ABCC5: variants seen among roughly 807,000 people sequenced by gnomAD.
ABCC5 encodes ATP binding cassette subfamily C member 5.
A neutral mutation model predicts 160.9 loss-of-function variants in ABCC5; 61 were observed. That is an observed-to-expected ratio of 0.38 (90% CI 0.31 to 0.47). The LOEUF is 0.47. Among genes scored for constraint, ABCC5 ranks in the 20% least tolerant of loss-of-function variants. ABCC5 has a pLI of 0.99. For synonymous variants in ABCC5, 666 were observed against 700.6 expected, an observed-to-expected ratio of 0.95 and a Z score of 0.78; for missense variants, 1,308 against 1,813.3, an observed-to-expected ratio of 0.72 and a Z score of 5.06.
intron 25 of ABCC5, among the ~76,000 whole-genome samples, chr3:183,939,315 C>T (rs1012364576): frequency 6.6e-6 from 1 of 152,164 alleles, no homozygotes; most frequent in African/African-American, 2.4e-5. Flanking sequence ...TGCCTGTAAT[C>T]CCAGGTACTT....
In ABCC5 at chr3:183,988,618, C is replaced by T. The variant is rs747664529; in HGVS notation, c.397G>A (p.Val133Met). Reference sequence around the variant, plus strand: ...GACTCGTGCTTGGACAGAGACCACACGTCTTCCATTGAGAGCTCCCCCTTC... The same window carrying T: ...GACTCGTGCTTGGACAGAGACCACATGTCTTCCATTGAGAGCTCCCCCTTC... ...HKKGELSMED[V>M]WSLSKHESSD... Residue 133 changes from valine to methionine, a missense_variant, in exon 4 of 30, where the codon GTG (valine) becomes ATG (methionine). By Grantham distance (21) the Val-to-Met change is conservative (BLOSUM62 1). Transcript: ENST00000334444. This position sits in a 1 kb window ranked among gnomAD's most constrained non-coding sequence, Gnocchi z 4.4. 4.3e-6 allele frequency: 7 copies of T among 1,614,126 alleles called. No homozygotes were observed. Among genetic ancestry groups the T allele is most frequent in the South Asian group, 3.3e-5 (3 of 91,094 alleles).
At chr3:183,965,995 G>A (rs1717187096) in intron 12 of ABCC5, among the ~76,000 whole-genome samples, 2 of 152,138 alleles carry the variant, frequency 1.3e-5, no homozygotes, top group African/African-American at 4.8e-5. Context: ...TATACACAGT[G>A]TCCATTTACC....
intron 26 of ABCC5, among the ~76,000 whole-genome samples, chr3:183,936,041 C>T (rs1713679902): frequency 6.6e-6 from 1 of 152,114 alleles, no homozygotes; most frequent in African/African-American, 2.4e-5. Flanking sequence ...GAAACACTGA[C>T]CCCAATGTGA....
Position 183,987,672 on chromosome 3 carries a change from G to A in ABCC5, c.591+98C>T, listed in dbSNP as rs767073151. On this transcript the variant is annotated intron_variant, in intron 5 of 29. Transcript: ENST00000334444. The surrounding 1 kb of genome is among the most constrained non-coding windows in gnomAD (Gnocchi z 4.2). The stretch of plus-strand genomic sequence containing the variant: ...AAGGCATCTCTAAGACTGCTACCTA[G>A]CCCAAAGCTGAGCACAACCTCTGCA... The A allele has an allele frequency of 6.5e-7, 1 of 1,548,474 alleles. No individual in the cohort carries two copies. The highest frequency in any genetic ancestry group is 2.4e-5 in the East Asian group (1 of 42,546).
At chr3:183,993,488 A>C (rs34465853) in intron 2 of ABCC5, among the ~76,000 whole-genome samples, 3 of 112,988 alleles carry the variant, frequency 2.7e-5, no homozygotes, top group Admixed American at 1.0e-4. Context: ...TGTCTCAAAA[A>C]AAAAAAAAAA....
chr3:183,947,179 C>G, intron 23 of ABCC5, 145 bp downstream of exon 23: 1 of 842,284 alleles, frequency 1.2e-6, no homozygotes, highest in Non-Finnish European at 1.7e-6. Flanking sequence ...CAGATTGTTA[C>G]GGTCAAATCA....
At position 183,963,314 on chromosome 3, in the gene ABCC5, G is replaced by A. The variant is rs1716939815; in HGVS notation, c.2235+71C>T. 2.0e-6 allele frequency: 3 copies of A among 1,520,536 alleles called. No homozygotes were observed. Among genetic ancestry groups the A allele is most frequent in the Non-Finnish European group, 2.7e-6 (3 of 1,096,064 alleles). The allele number at this position is 1,520,536 out of a possible 1,614,324, so 94.2% of individuals were successfully genotyped here. ...TTCTAGTTATAACACAAGGATACCTGGAGCAAACCTACCTCCCTGTTTCTG... is the reference window on the plus strand; with the variant it reads ...TTCTAGTTATAACACAAGGATACCTAGAGCAAACCTACCTCCCTGTTTCTG... On this transcript the variant is annotated intron_variant, in intron 15 of 29. Coordinates refer to ENST00000334444, the MANE Select transcript of ABCC5 (RefSeq NM_005688.4). This position sits in a 1 kb window ranked among gnomAD's most constrained non-coding sequence, Gnocchi z 4.6.
chr3:183,927,927 G>A (rs969359343), intron 27 of ABCC5: 11 of 627,936 alleles, frequency 1.8e-5, no homozygotes, highest in Admixed American at 6.3e-5. Flanking sequence ...AATTAGGGCA[G>A]GGGATCCTGG....
At position 183,971,933 on chromosome 3, in the gene ABCC5, T is replaced by G; in HGVS notation, c.1405-14A>C. Reference sequence around the variant, plus strand: ...TAGAAACAAACTCTGATAGGAGTTGTGAGAGAGGTGCAAAGATGAGACACT... The same window carrying G: ...TAGAAACAAACTCTGATAGGAGTTGGGAGAGAGGTGCAAAGATGAGACACT... On this transcript the variant is annotated splice_polypyrimidine_tract_variant and intron_variant, in intron 10 of 29. Coordinates refer to ENST00000334444, the MANE Select transcript of ABCC5 (RefSeq NM_005688.4). The G allele has an allele frequency of 1.9e-6, 3 of 1,613,286 alleles. No individual in the cohort carries two copies. The highest frequency in any genetic ancestry group is 2.5e-6 in the Non-Finnish European group (3 of 1,180,000).
In ABCC5 at chr3:184,014,260, T is replaced by C. The variant is rs912589009; in HGVS notation, c.129+4A>G. 12 of 1,612,210 alleles carry C rather than the reference T, an allele frequency of 7.4e-6. No homozygotes were observed. The highest frequency in any genetic ancestry group is 1.0e-5 in the Non-Finnish European group (12 of 1,179,266). On this transcript the variant is annotated splice_donor_region_variant and intron_variant, in intron 2 of 29. Coordinates refer to ENST00000334444, the MANE Select transcript of ABCC5 (RefSeq NM_005688.4). ...GTAAGAGACTCTTAGGAAAGGAAAC[T>C]GACCGGTCGAGTTCTCCTGAACTTG... is the stretch of plus-strand genomic sequence containing the variant.
At chr3:183,945,824 C>A in intron 24 of ABCC5, 26 bp downstream of exon 24, 1 of 1,599,686 alleles carries the variant, frequency 6.3e-7, no homozygotes, top group Non-Finnish European at 8.6e-7. Flanking sequence ...AGTCAGATCA[C>A]GGTAAAAGGC....
intron 17 of ABCC5, among the ~76,000 whole-genome samples, chr3:183,959,052 T>TAA (rs1716491035): frequency 6.8e-6 from 1 of 148,056 alleles, no homozygotes; most frequent in South Asian, 2.2e-4. Flanking sequence ...ATCTATACAG[T>TAA]ACACACACAC....
rs576424898 is a variant in ABCC5 at position 183,951,538 on chromosome 3, G to A, written c.2847C>T (p.Asp949=). Residue 949 remains aspartate, a synonymous_variant, in exon 20 of 30, where the codon GAC becomes GAT. Coordinates refer to ENST00000334444, the MANE Select transcript of ABCC5 (RefSeq NM_005688.4). The surrounding 1 kb of genome is among the most constrained non-coding windows in gnomAD (Gnocchi z 4.7). ...GTLRASSRLH[D]ELFRRILRSP... is the part of the protein sequence containing the mutation. The stretch of plus-strand genomic sequence containing the variant: ...TTCGAAGGATCCTTCGGAAAAGCTC[G>A]TCATGCAGCCGGGAGGAAGCTCGCA... The A allele has an allele frequency of 1.3e-4, 213 of 1,614,194 alleles. 2 individuals are homozygous for A. In the South Asian group the frequency reaches 1.8e-3, roughly 14 times the overall value.
intron 18 of ABCC5, among the ~76,000 whole-genome samples, chr3:183,952,270 C>T (rs920291324): frequency 3.3e-5 from 5 of 152,024 alleles, no homozygotes; most frequent in African/African-American, 1.2e-4. Context: ...CCTCAGCCTC[C>T]CAAGTACGTG....
At chr3:183,974,435 A>T (rs908802773) in intron 10 of ABCC5, among the ~76,000 whole-genome samples, 2 of 152,032 alleles carry the variant, frequency 1.3e-5, no homozygotes, top group African/African-American at 4.8e-5. Flanking sequence ...AGCCCTCCTG[A>T]GTAGCTGGGA....
At chr3:183,940,108 C>T (rs1461025909) in intron 25 of ABCC5, among the ~76,000 whole-genome samples, 1 of 152,134 alleles carries the variant, frequency 6.6e-6, no homozygotes, top group East Asian at 1.9e-4. Flanking sequence ...TGTATTAGGA[C>T]CCATCTTCCT....
intron 14 of ABCC5, among the ~76,000 whole-genome samples, chr3:183,964,416 GT>G (rs1717039748): frequency 6.6e-6 from 1 of 152,220 alleles, no homozygotes; most frequent in African/African-American, 2.4e-5. Flanking sequence ...TAATTCAGAG[GT>G]TTTCAAACTG....
At chr3:183,942,042 C>A (rs1440427261) in intron 25 of ABCC5, among the ~76,000 whole-genome samples, 1 of 145,426 alleles carries the variant, frequency 6.9e-6, no homozygotes, top group Admixed American at 7.0e-5. Context: ...TTACGCATTT[C>A]TTTTCTTTTT....
intron 26 of ABCC5, among the ~76,000 whole-genome samples, chr3:183,935,346 A>G (rs749471093): frequency 6.8e-6 from 1 of 146,970 alleles, no homozygotes; most frequent in Non-Finnish European, 1.5e-5. Flanking sequence ...AAGACTGGCT[A>G]ATTTTTGTAT....
Sources: allele counts gnomAD v4.1 joint callset (sites outside exome capture counted in the v4.1 genomes callset), GRCh38; gene constraint gnomAD v4.1.1; non-coding constraint Gnocchi (gnomAD v3.1); transcripts MANE v1.5; gene names NCBI Gene and HGNC (gene_info 2026-07-23, HGNC 2026-07-21).